Variants in NALF1 observed in about 807,000 individuals in gnomAD.
The protein encoded by NALF1 is family with sequence similarity 155 member A.
In NALF1, 3 loss-of-function variants were observed where a neutral mutation model predicts 48.4. That is an observed-to-expected ratio of 0.06 (90% CI 0.03 to 0.16). The LOEUF (loss-of-function observed/expected upper bound fraction) is 0.16, where lower values mean the gene tolerates loss of function less well. Ranked by LOEUF, NALF1 falls within the 10% of genes least tolerant of loss-of-function variation. NALF1 has a pLI of 1.00. For missense variants in NALF1, 526 were observed against 571.5 expected, an observed-to-expected ratio of 0.92 and a Z score of 0.81; for synonymous variants, 262 against 245.7, an observed-to-expected ratio of 1.07 and a Z score of -0.62.
At chr13:107,612,280 AG>A (rs1007036800) in intron 1 of NALF1, among the ~76,000 whole-genome samples, 4 of 152,132 alleles carry the variant, frequency 2.6e-5, no homozygotes, top group South Asian at 4.1e-4. Context: ...GGAAAAAAGC[AG>A]GGTTGCTGTT....
At chr13:107,221,248 C>T (rs559527458) in intron 1 of NALF1, among the ~76,000 whole-genome samples, 5 of 152,100 alleles carry the variant, frequency 3.3e-5, no homozygotes, top group East Asian at 3.9e-4. Context: ...ATCCATGTGA[C>T]CAAAAACCAC....
intron 1 of NALF1, among the ~76,000 whole-genome samples, chr13:107,843,415 T>C (rs1264956899): frequency 6.6e-6 from 1 of 152,152 alleles, no homozygotes; most frequent in Non-Finnish European, 1.5e-5. Context: ...TCTGCTGCTC[T>C]AGAAAGGAAA....
intron 1 of NALF1, among the ~76,000 whole-genome samples, chr13:107,797,267 A>T (rs1974344): frequency 6.6e-6 from 1 of 152,038 alleles, no homozygotes; most frequent in Non-Finnish European, 1.5e-5. Context: ...GTGCAGTGGC[A>T]CAATCTTAGC....
intron 1 of NALF1, among the ~76,000 whole-genome samples, chr13:107,381,396 C>T (rs1383478020): frequency 6.6e-6 from 1 of 151,970 alleles, no homozygotes; most frequent in Non-Finnish European, 1.5e-5. Context: ...TGGGGTCTCA[C>T]TGTGTTGCCC....
chr13:107,524,993 A>G (rs1876384234), intron 1 of NALF1, among the ~76,000 whole-genome samples: 1 of 152,114 alleles, frequency 6.6e-6, no homozygotes, highest in African/African-American at 2.4e-5. Context: ...AGAGCTTCCA[A>G]GCTTCCAAGT....
chr13:107,601,145 T>A (rs1235584636), intron 1 of NALF1, among the ~76,000 whole-genome samples: 2 of 152,244 alleles, frequency 1.3e-5, no homozygotes, highest in East Asian at 3.9e-4. Context: ...TAGTATCCAT[T>A]AGGCAGTGGG....
chr13:107,800,384 T>G (rs924779001), intron 1 of NALF1, among the ~76,000 whole-genome samples: 1 of 151,924 alleles, frequency 6.6e-6, no homozygotes, highest in Non-Finnish European at 1.5e-5. Flanking sequence ...AGTTCTGTCA[T>G]GATTTACACT....
intron 2 of NALF1, among the ~76,000 whole-genome samples, chr13:107,183,353 G>C (rs1481176553): frequency 6.6e-6 from 1 of 152,222 alleles, no homozygotes; most frequent in Non-Finnish European, 1.5e-5. Flanking sequence ...ACAGATGCTA[G>C]AGAGGATGTG....
At chr13:107,516,229 G>T (rs571436766) in intron 1 of NALF1, among the ~76,000 whole-genome samples, 13 of 152,286 alleles carry the variant, frequency 8.5e-5, no homozygotes, top group African/African-American at 3.1e-4. Context: ...ATGACAATGA[G>T]CGGAGTCAGG....
chr13:107,714,929 A>G lies in NALF1; in HGVS notation c.915+150753T>C, dbSNP rs16970979. Among the ~76,000 whole-genome samples the G allele has an allele frequency of 0.028, 4,209 of 152,196 alleles. 352 individuals carry two copies. The East Asian group carries it at 0.32, about 12-fold the overall frequency. On this transcript the variant is annotated intron_variant, in intron 1 of 2. Transcript: ENST00000375915. ...ATGTGGATATTAACAATGAGTTACT[A>G]TTCGTAGCAAGGGAAGAAACAAAAT... is the stretch of plus-strand genomic sequence containing the variant.
At chr13:107,577,678 T>C (rs1253138566) in intron 1 of NALF1, among the ~76,000 whole-genome samples, 2 of 152,170 alleles carry the variant, frequency 1.3e-5, no homozygotes, top group African/African-American at 4.8e-5. Flanking sequence ...GAAGATCTAT[T>C]TTTTGTTACA....
intron 1 of NALF1, among the ~76,000 whole-genome samples, chr13:107,676,705 CT>C (rs1881135094): frequency 6.6e-6 from 1 of 151,754 alleles, no homozygotes; most frequent in South Asian, 2.1e-4. Context: ...AGATATTTAT[CT>C]TTGAAATATA....
intron 1 of NALF1, among the ~76,000 whole-genome samples, chr13:107,535,828 A>C (rs541541139): frequency 1.3e-5 from 2 of 152,310 alleles, no homozygotes; most frequent in South Asian, 2.1e-4. Flanking sequence ...TTCAAACTAT[A>C]CTACAAGGCT....
chr13:107,826,304 C>CGTGTGT (rs59010695), intron 1 of NALF1, among the ~76,000 whole-genome samples: 41 of 150,618 alleles, frequency 2.7e-4, no homozygotes, highest in African/African-American at 8.5e-4. Context: ...TGCATGTGCA[C>CGTGTGT]GTGTGTGTGT....
chr13:107,333,030 G>C lies in NALF1; in HGVS notation c.916-122275C>G, dbSNP rs550612538. Among the ~76,000 whole-genome samples, 3 of 152,142 alleles carry C rather than the reference G, an allele frequency of 2.0e-5. No individual in the cohort carries two copies. In the East Asian group the frequency reaches 5.8e-4, roughly 30 times the overall value. ...CCAGCTAATTTTTGTATTTTTAGTA[G>C]AGACGGGGTTTCACCATGTTGGCCA... On this transcript the variant is annotated intron_variant, in intron 1 of 2. Coordinates refer to ENST00000375915, the MANE Select transcript of NALF1 (RefSeq NM_001080396.3).
At position 107,638,037 on chromosome 13, in the gene NALF1, G is replaced by GT. The variant is rs201166502; in HGVS notation, c.915+227644dup. ...TGTACCATACAGTGCCTTAATGACC[G>GT]TAAGTCATCTTCCTGAGTTCAACTT... On this transcript the variant is annotated intron_variant, in intron 1 of 2. Coordinates refer to ENST00000375915, the MANE Select transcript of NALF1 (RefSeq NM_001080396.3). 6.5e-4 allele frequency among the ~76,000 whole-genome samples: 98 copies of GT among 151,746 alleles called. No individual in the cohort carries two copies. In the East Asian group the frequency reaches 0.019, roughly 29 times the overall value.
intron 1 of NALF1, among the ~76,000 whole-genome samples, chr13:107,719,980 A>T (rs1328422573): frequency 1.3e-5 from 2 of 151,968 alleles, no homozygotes; most frequent in Non-Finnish European, 2.9e-5. Flanking sequence ...CTTTGCTTGG[A>T]ATGCCCTCCC....
intron 1 of NALF1, among the ~76,000 whole-genome samples, chr13:107,754,649 C>A (rs886199809): frequency 6.6e-6 from 1 of 151,994 alleles, no homozygotes; most frequent in Non-Finnish European, 1.5e-5. Context: ...TGAAAACCTG[C>A]AAGGAAGTAG....
rs1185973488 is a variant in NALF1, at chr13:107,166,830, A to G, written c.*3667T>C. Reference sequence around the variant, plus strand: ...TTCCTGTCATTCTTTTGTTTCTGCTATCTGCCTATTTTCTTTTGTTTTAAT... The same window carrying G: ...TTCCTGTCATTCTTTTGTTTCTGCTGTCTGCCTATTTTCTTTTGTTTTAAT... On this transcript the variant is annotated 3_prime_UTR_variant, in exon 3 of 3. Transcript: ENST00000375915. 6.8e-6 allele frequency: 1 copy of G among 146,062 alleles called. No individual in the cohort carries two copies. 9.0% of individuals were successfully genotyped at this position (146,062 alleles called of 1,614,324 possible). A position where few individuals can be genotyped will look rare whatever the true frequency, so the allele number is the denominator to read the frequency against.
Sources: gnomAD v4.1 joint callset for allele counts (sites outside exome capture counted in the v4.1 genomes callset) on GRCh38, gnomAD v4.1.1 for gene constraint, MANE v1.5 for transcripts, NCBI Gene and HGNC (gene_info 2026-07-23, HGNC 2026-07-21) for gene names.